The following MORC4 variants were observed in gnomAD, a reference collection of about 807,000 sequenced individuals.
The protein encoded by MORC4 is MORC family CW-type zinc finger protein 4.
A neutral mutation model predicts 65.5 loss-of-function variants in MORC4; 22 were observed. That is an observed-to-expected ratio of 0.34 (90% CI 0.24 to 0.48). The LOEUF (loss-of-function observed/expected upper bound fraction) is 0.48. MORC4 is among the 20% of genes least tolerant of loss of function. The probability of loss-of-function intolerance (pLI) is 0.99; values close to 1 mark genes in which losing one functional copy is unlikely to be tolerated. For missense variants in MORC4, 624 were observed against 703.0 expected, an observed-to-expected ratio of 0.89 and a Z score of 1.27; for synonymous variants, 267 against 255.8, an observed-to-expected ratio of 1.04 and a Z score of -0.42.
At chrX:106,957,498 C>G (rs1228826609) in intron 11 of MORC4, among the ~76,000 whole-genome samples, 2 of 111,468 alleles carry the variant, frequency 1.8e-5, no homozygotes, top group South Asian at 7.6e-4. Flanking sequence ...AGACATTTTT[C>G]CCCTAAAATG....
chrX:106,959,468 C>T (rs950069243), intron 10 of MORC4, among the ~76,000 whole-genome samples: 6 of 111,081 alleles, frequency 5.4e-5, no homozygotes, highest in East Asian at 2.8e-4. Flanking sequence ...CAGAGTGGTG[C>T]GGTTCTTTTA....
At chrX:106,984,317 T>C (rs755703226) in intron 5 of MORC4, among the ~76,000 whole-genome samples, 1 of 109,361 alleles carries the variant, frequency 9.1e-6, no homozygotes, top group East Asian at 2.9e-4. Flanking sequence ...GAAATAGATA[T>C]TTATAAAGGA....
At position 106,993,211 on chromosome X, in the gene MORC4, A is replaced by C. The variant is rs780155966; in HGVS notation, c.308+19T>G. ...TTCATGAGCTTAAGACAAGAAAAAG[A>C]CAATGAAGACATTTTTACCTGAGCA... On this transcript the variant is annotated intron_variant, in intron 3 of 16. Coordinates refer to ENST00000355610, the MANE Select transcript of MORC4 (RefSeq NM_024657.5). 4.1e-5 allele frequency: 49 copies of C among 1,200,948 alleles called. No individual in the cohort carries two copies. The highest frequency in any genetic ancestry group is 5.4e-5 in the Non-Finnish European group (48 of 889,257).
rs1417064222 is a variant in MORC4 at position 106,976,646 on chromosome X, A to C, written c.1095T>G (p.Ile365Met). The stretch of plus-strand genomic sequence containing the variant: ...AGGCAGGTTTTAGGAAATTGCACTC[A>C]ATGACTCCAATTACTCCTACACCTT... ...RGEGVGVIGV[I>M]ECNFLKPAYN... is the part of the protein sequence containing the mutation. Residue 365 changes from isoleucine (I) to methionine (M), a missense_variant, in exon 9 of 17, where the codon ATT (isoleucine) becomes ATG (methionine). Transcript: ENST00000355610. 1.7e-6 allele frequency: 2 copies of C among 1,205,525 alleles called. No homozygotes were observed. The highest frequency in any genetic ancestry group is 2.2e-6 in the Non-Finnish European group (2 of 891,531).
intron 9 of MORC4, among the ~76,000 whole-genome samples, chrX:106,971,475 T>G (rs1444388174): frequency 8.9e-6 from 1 of 111,984 alleles, no homozygotes; most frequent in East Asian, 2.8e-4. Context: ...TGGGATGTAA[T>G]TAAACTAAAG....
At chrX:106,948,584 T>TA (rs1033143472) in intron 14 of MORC4, among the ~76,000 whole-genome samples, 16 of 111,960 alleles carry the variant, frequency 1.4e-4, no homozygotes, top group Non-Finnish European at 1.7e-4. Flanking sequence ...GCTTTCATCC[T>TA]AAAAAAATCT....
At position 106,942,415 on chromosome X, in the gene MORC4, T is replaced by C. The variant is rs967806399; in HGVS notation, c.2376+100A>G. ...CCACAGAATAGTTCAGGGGCATATTTTATTTAAAGGCCTCAGAACATTAAA... is the reference window on the plus strand; with the variant it reads ...CCACAGAATAGTTCAGGGGCATATTCTATTTAAAGGCCTCAGAACATTAAA... On this transcript the variant is annotated intron_variant, in intron 15 of 16. Coordinates refer to ENST00000355610, the MANE Select transcript of MORC4 (RefSeq NM_024657.5). 17 of 914,389 alleles carry C rather than the reference T, an allele frequency of 1.9e-5. No homozygotes were observed. The African/African-American group carries it at 3.2e-4, about 17-fold the overall frequency. 75.4% of individuals were successfully genotyped at this position (914,389 alleles called of 1,213,427 possible). A position where few individuals can be genotyped will look rare whatever the true frequency, so the allele number is the denominator to read the frequency against.
chrX:106,946,627 G>A (rs1045755573), intron 14 of MORC4, among the ~76,000 whole-genome samples: 4 of 111,934 alleles, frequency 3.6e-5, no homozygotes, highest in Non-Finnish European at 7.5e-5. Flanking sequence ...TACGTTTTCC[G>A]TTTTCTTGGG....
intron 3 of MORC4, among the ~76,000 whole-genome samples, chrX:106,988,786 C>T (rs1327746313): frequency 2.7e-5 from 3 of 111,930 alleles, no homozygotes; most frequent in African/African-American, 9.7e-5. Context: ...GTTTACACAT[C>T]AAGGTGGCTT....
intron 9 of MORC4, among the ~76,000 whole-genome samples, chrX:106,971,816 C>A (rs1051234888): frequency 7.1e-5 from 8 of 112,089 alleles, no homozygotes; most frequent in Non-Finnish European, 1.3e-4. Flanking sequence ...AGTCAGGAAA[C>A]AACAGATGCT....
chrX:106,995,019 G>A (rs1935049600), intron 2 of MORC4, among the ~76,000 whole-genome samples: 1 of 111,007 alleles, frequency 9.0e-6, no homozygotes, highest in African/African-American at 3.3e-5. Context: ...TATTCTTCTA[G>A]CTATTTGAAA....
At chrX:106,980,784 C>T (rs1934723592) in intron 7 of MORC4, 107 bp downstream of exon 7, 25 of 737,305 alleles carry the variant, frequency 3.4e-5, no homozygotes, top group Non-Finnish European at 5.0e-5. Flanking sequence ...CTATGACATA[C>T]ACTTTTTAAT....
At chrX:106,980,154 T>C (rs1934710919) in intron 7 of MORC4, among the ~76,000 whole-genome samples, 2 of 111,005 alleles carry the variant, frequency 1.8e-5, no homozygotes, top group Admixed American at 1.9e-4. Flanking sequence ...TTTCAGCCTT[T>C]CAAAGATGTT....
At chrX:106,953,960 C>T (rs1236151583) in intron 14 of MORC4, among the ~76,000 whole-genome samples, 1 of 111,992 alleles carries the variant, frequency 8.9e-6, no homozygotes, top group African/African-American at 3.2e-5. Flanking sequence ...TCCGTCTCTA[C>T]TAAAAATACA....
Position 106,947,558 on chromosome X carries a change from CTATATATATATATTATATATATATA to C in MORC4, c.1686-4378_1686-4354del, listed in dbSNP as rs976802216. Among the ~76,000 whole-genome samples, 410 of 64,885 alleles carry C rather than the reference CTATATATATATATTATATATATATA, an allele frequency of 6.3e-3. 2 individuals carry two copies. The highest frequency in any genetic ancestry group is 0.025 in the African/African-American group (390 of 15,894). The allele number at this position is 64,885 out of a possible 115,157, so 56.3% of individuals were successfully genotyped here. ...ATATATATATATACCTGTAGTTAAT[CTATATATATATATTATATATATATA>C]TATATATAATATATATATATATAAA... is the stretch of plus-strand genomic sequence containing the variant. On this transcript the variant is annotated intron_variant, in intron 14 of 16. Transcript: ENST00000355610.
chrX:106,968,642 CAAAA>C (rs1194053588), intron 9 of MORC4, among the ~76,000 whole-genome samples: 5 of 17,969 alleles, frequency 2.8e-4, no homozygotes, highest in Admixed American at 8.9e-4. Context: ...AAATGGAAAG[CAAAA>C]AAAAAAAAAA....
Position 106,985,155 on chromosome X carries a change from G to C in MORC4, c.615C>G (p.Ala205=). 2.5e-6 allele frequency: 3 copies of C among 1,205,933 alleles called. No homozygotes were observed. Among genetic ancestry groups the C allele is most frequent in the Non-Finnish European group, 3.4e-6 (3 of 891,639 alleles). The change falls in exon 5 of 17, where the codon GCC becomes GCG. Residue 205 remains alanine (A), a synonymous_variant. Coordinates refer to ENST00000355610, the MANE Select transcript of MORC4 (RefSeq NM_024657.5). ...SIFNRENDLL[A]QFDAIPGKKG... ...TTTTGCCTGGGATGGCATCAAACTG[G>C]GCCAGCAGGTCATTTTCACGGTTGA...
chrX:106,987,153 A>G (rs1934886955), intron 3 of MORC4, among the ~76,000 whole-genome samples: 1 of 111,637 alleles, frequency 9.0e-6, no homozygotes, highest in Non-Finnish European at 1.9e-5. Flanking sequence ...CTAATGTTCC[A>G]TAGCAGACCA....
intron 7 of MORC4, among the ~76,000 whole-genome samples, chrX:106,979,951 A>G (rs1439258642): frequency 1.8e-5 from 2 of 110,731 alleles, no homozygotes; most frequent in African/African-American, 6.5e-5. Context: ...CATTCCTAGT[A>G]GCCAAGATAT....
Sources: gnomAD v4.1 joint callset for allele counts (sites outside exome capture counted in the v4.1 genomes callset) on GRCh38, gnomAD v4.1.1 for gene constraint, MANE v1.5 for transcripts, NCBI Gene and HGNC (gene_info 2026-07-23, HGNC 2026-07-21) for gene names.